The following PTPRD variants were observed in gnomAD, a reference collection of about 807,000 sequenced individuals.
The protein encoded by PTPRD is protein tyrosine phosphatase receptor type D, also known as receptor-type tyrosine-protein phosphatase delta.
A neutral mutation model predicts 214.5 loss-of-function variants in PTPRD; 34 were observed. The observed-to-expected ratio is 0.16, with a 90% CI of 0.12 to 0.21. The LOEUF is 0.21. Ranked by LOEUF, PTPRD falls within the 10% of genes least tolerant of loss-of-function variation. PTPRD has a pLI of 1.00. For synonymous variants in PTPRD, 1,128 were observed against 845.7 expected, an observed-to-expected ratio of 1.33 and a Z score of -5.79; for missense variants, 2,545 against 2,398.7, an observed-to-expected ratio of 1.06 and a Z score of -1.27.
At chr9:10,329,261 C>T (rs1423805482) in intron 3 of PTPRD, among the ~76,000 whole-genome samples, 1 of 150,878 alleles carries the variant, frequency 6.6e-6, no homozygotes, top group Admixed American at 6.6e-5. Context: ...TTTTTGTTTG[C>T]CTGTGTTACC....
intron 3 of PTPRD, among the ~76,000 whole-genome samples, chr9:10,174,168 T>G (rs2099230836): frequency 6.6e-6 from 1 of 152,162 alleles, no homozygotes; most frequent in South Asian, 2.1e-4. Context: ...ATGGTTTGAA[T>G]GTTTGTCCTG....
chr9:9,047,797 G>A (rs1233927758), intron 10 of PTPRD, among the ~76,000 whole-genome samples: 15 of 152,038 alleles, frequency 9.9e-5, no homozygotes, highest in Admixed American at 9.8e-4. Context: ...AAACATTGGA[G>A]AAGCTCTGCA....
At chr9:10,436,448 T>C (rs2098718373) in intron 2 of PTPRD, among the ~76,000 whole-genome samples, 1 of 151,764 alleles carries the variant, frequency 6.6e-6, no homozygotes, top group Non-Finnish European at 1.5e-5. Flanking sequence ...AAGGTGACAA[T>C]TTGTAAGACA....
At position 8,713,573 on chromosome 9, in the gene PTPRD, G is replaced by A. The variant is rs1372319775; in HGVS notation, c.64+20207C>T. 2.7e-6 allele frequency: 4 copies of A among 1,488,578 alleles called. No individual in the cohort carries two copies. In the East Asian group the frequency reaches 6.8e-5, roughly 25 times the overall value. The allele number at this position is 1,488,578 out of a possible 1,614,324, so 92.2% of individuals were successfully genotyped here. The stretch of plus-strand genomic sequence containing the variant: ...ATCTGGCTGCGCTGTGACTCCCGGA[G>A]CGGCACCCACAACATGTACCGGGAA... On this transcript the variant is annotated intron_variant, in intron 12 of 45. Transcript: ENST00000381196.
At chr9:10,259,114 C>G (rs1450451844) in intron 3 of PTPRD, among the ~76,000 whole-genome samples, 3 of 152,190 alleles carry the variant, frequency 2.0e-5, no homozygotes, top group Admixed American at 2.0e-4. Context: ...GCTCCACCTC[C>G]CGGGTTCACA....
chr9:9,682,252 T>C (rs889173568), intron 7 of PTPRD, among the ~76,000 whole-genome samples: 5 of 151,764 alleles, frequency 3.3e-5, no homozygotes, highest in Non-Finnish European at 5.9e-5. Context: ...GGTGATCTTT[T>C]AAGGTTTTTC....
rs117933936 is a variant in PTPRD at position 10,068,412 on chromosome 9, T to C, written c.-544-34622A>G. Among the ~76,000 whole-genome samples, 58 of 152,074 alleles carry C rather than the reference T, an allele frequency of 3.8e-4. 2 individuals carry two copies. In the East Asian group the frequency reaches 0.011, roughly 29 times the overall value. On this transcript the variant is annotated intron_variant, in intron 3 of 45. Coordinates refer to ENST00000381196, the MANE Select transcript of PTPRD (RefSeq NM_002839.4). ...TATATATAAAAATGTGAAGAAGATA[T>C]AGAGTGTAAATGATACCAGTGATAC...
intron 11 of PTPRD, among the ~76,000 whole-genome samples, chr9:8,933,340 G>GTTTTTTTTTTTTTTTT (rs71317383): frequency 0.018 from 1,406 of 80,116 alleles, 239 homozygotes; most frequent in East Asian, 0.12. Context: ...CAACCTTGAG[G>GTTTTTTTTTTTTTTTT]TTTTTTTTTT....
intron 2 of PTPRD, among the ~76,000 whole-genome samples, chr9:10,391,689 C>T: frequency 6.6e-6 from 1 of 151,738 alleles, no homozygotes; most frequent in East Asian, 2.0e-4. Flanking sequence ...CTAGTGGGTT[C>T]CCCAGAAAGT....
intron 2 of PTPRD, among the ~76,000 whole-genome samples, chr9:10,539,175 T>C (rs1221852285): frequency 6.6e-6 from 1 of 152,186 alleles, no homozygotes; most frequent in Non-Finnish European, 1.5e-5. Context: ...TTTATCATTA[T>C]TGTTTATCAC....
intron 2 of PTPRD, among the ~76,000 whole-genome samples, chr9:10,439,337 C>T (rs1047997631): frequency 1.3e-5 from 2 of 151,774 alleles, no homozygotes; most frequent in African/African-American, 2.4e-5. Context: ...CTAATGCTAT[C>T]GTCATGGCCA....
At chr9:8,423,843 T>G (rs956927903) in intron 35 of PTPRD, among the ~76,000 whole-genome samples, 1 of 152,166 alleles carries the variant, frequency 6.6e-6, no homozygotes, top group Admixed American at 6.6e-5. Context: ...TGATTTTATT[T>G]ACCTAGATCA....
At chr9:10,239,617 T>C (rs76726953) in intron 3 of PTPRD, among the ~76,000 whole-genome samples, 1 of 24,834 alleles carries the variant, frequency 4.0e-5, no homozygotes, top group South Asian at 1.8e-3. Context: ...GATAGCAGAA[T>C]AATAATAATG....
chr9:9,467,611 G>A (rs1019650759), intron 8 of PTPRD, among the ~76,000 whole-genome samples: 629 of 46,056 alleles, frequency 0.014, no homozygotes, highest in Non-Finnish European at 0.019. Context: ...AAAAAAAAAA[G>A]TTGAGCAGAA....
chr9:8,460,675 G>T (rs1374798707), intron 32 of PTPRD, 104 bp from the exon 33 acceptor site: 2 of 1,167,420 alleles, frequency 1.7e-6, no homozygotes, highest in Non-Finnish European at 2.4e-6. Context: ...TGGATTTAAT[G>T]ATAAGTGTGT....
At chr9:10,438,628 A>G (rs1198893649) in intron 2 of PTPRD, among the ~76,000 whole-genome samples, 1 of 151,774 alleles carries the variant, frequency 6.6e-6, no homozygotes, top group East Asian at 1.9e-4. Flanking sequence ...TATTATCTCT[A>G]TTTATATAAT....
chr9:9,705,801 A>G (rs1362738080), intron 7 of PTPRD, among the ~76,000 whole-genome samples: 1 of 152,192 alleles, frequency 6.6e-6, no homozygotes, highest in East Asian at 1.9e-4. Flanking sequence ...ATCAACTTAT[A>G]CCATTCTTGA....
At chr9:10,264,219 C>T (rs186602539) in intron 3 of PTPRD, among the ~76,000 whole-genome samples, 165 of 152,256 alleles carry the variant, frequency 1.1e-3, no homozygotes, top group African/African-American at 3.7e-3. Flanking sequence ...CCCACTGGGG[C>T]GCTGCCTAGT....
chr9:9,142,790 C>G (rs1222488152), intron 10 of PTPRD, among the ~76,000 whole-genome samples: 1 of 152,056 alleles, frequency 6.6e-6, no homozygotes, highest in African/African-American at 2.4e-5. Flanking sequence ...CCCATCTGTC[C>G]TGTATATTTC....
Sources: allele counts gnomAD v4.1 joint callset (sites outside exome capture counted in the v4.1 genomes callset), GRCh38; gene constraint gnomAD v4.1.1; transcripts MANE v1.5; gene names NCBI Gene and HGNC (gene_info 2026-07-23, HGNC 2026-07-21).